FNIP1: variants seen among roughly 807,000 people sequenced by gnomAD.
FNIP1 encodes the protein folliculin interacting protein 1, also known as folliculin-interacting protein 1.
FNIP1 carries 40 observed loss-of-function variants against 124.5 expected under a neutral mutation model. The observed-to-expected ratio is 0.32, with a 90% confidence interval of 0.25 to 0.42. The LOEUF is 0.42. FNIP1 is among the 10% of genes least tolerant of loss of function. The probability of loss-of-function intolerance (pLI) is 1.00; values close to 1 mark genes in which losing one functional copy is unlikely to be tolerated. For synonymous variants in FNIP1, 472 were observed against 470.6 expected (o/e 1.00, Z -0.04); for missense variants, 1,176 against 1,403.7 (o/e 0.84, Z 2.59).
intron 15 of FNIP1, among the ~76,000 whole-genome samples, chr5:131,665,970 C>G (rs1767592951): frequency 6.8e-6 from 1 of 147,552 alleles, no homozygotes; most frequent in African/African-American, 2.5e-5. Flanking sequence ...GGCGTGATCT[C>G]ACCTCACTGC....
In FNIP1 at chr5:131,760,955, C is replaced by G. The variant is rs183426857; in HGVS notation, c.93-16265G>C. On this transcript the variant is annotated intron_variant, in intron 1 of 17. Coordinates refer to ENST00000510461, the MANE Select transcript of FNIP1 (RefSeq NM_133372.3). Reference sequence around the variant, plus strand: ...GAGAGAAGTATGCTAAATTACGCGGCAAGAGCCAAGCCAAAAACATTCCCA... The same window carrying G: ...GAGAGAAGTATGCTAAATTACGCGGGAAGAGCCAAGCCAAAAACATTCCCA... Among the ~76,000 whole-genome samples the G allele has an allele frequency of 3.4e-3, 511 of 152,110 alleles. 4 individuals carry two copies. The highest frequency in any genetic ancestry group is 0.012 in the African/African-American group (484 of 41,514).
At chr5:131,761,717 T>G (rs1041242333) in intron 1 of FNIP1, among the ~76,000 whole-genome samples, 1 of 151,966 alleles carries the variant, frequency 6.6e-6, no homozygotes, top group Non-Finnish European at 1.5e-5. Context: ...TGCAATCCCT[T>G]TCAAAATACC....
intron 1 of FNIP1, among the ~76,000 whole-genome samples, chr5:131,777,198 A>G (rs1771839316): frequency 1.3e-5 from 2 of 152,206 alleles, no homozygotes; most frequent in South Asian, 4.1e-4. Context: ...AGAATTTTCA[A>G]CATAAAAGAA....
Position 131,642,721 on chromosome 5 carries a change from AT to A in FNIP1, c.*1963del, listed in dbSNP as rs953721958. Reference sequence around the variant, plus strand: ...ATCTCATCTCTACTAAAAATAAAAAATTAGCTGGGTGTGGTGGCGCACACTT... The same window carrying A: ...ATCTCATCTCTACTAAAAATAAAAAATAGCTGGGTGTGGTGGCGCACACTT... On this transcript the variant is annotated 3_prime_UTR_variant, in exon 18 of 18. Transcript: ENST00000510461. 6.6e-6 allele frequency: 1 copy of A among 152,088 alleles called. No individual in the cohort carries two copies. 9.4% of individuals were successfully genotyped at this position (152,088 alleles called of 1,614,324 possible).
chr5:131,771,062 A>G (rs1417100893), intron 1 of FNIP1, among the ~76,000 whole-genome samples: 1 of 152,092 alleles, frequency 6.6e-6, no homozygotes, highest in African/African-American at 2.4e-5. Context: ...AGCATTAGGT[A>G]TATCTCCCAA....
At chr5:131,681,762 TAA>T (rs34881164) in intron 11 of FNIP1, among the ~76,000 whole-genome samples, 2 of 109,398 alleles carry the variant, frequency 1.8e-5, no homozygotes, top group African/African-American at 3.8e-5. Flanking sequence ...TGCCAATTTC[TAA>T]AAAAAAAAAA....
chr5:131,708,327 G>A (rs1421656527), intron 8 of FNIP1, among the ~76,000 whole-genome samples: 1 of 152,108 alleles, frequency 6.6e-6, no homozygotes, highest in Admixed American at 6.5e-5. Context: ...CGATAGCAGA[G>A]CCATATAATG....
At chr5:131,734,484 T>C (rs7732948) in intron 2 of FNIP1, among the ~76,000 whole-genome samples, 13,214 of 152,104 alleles carry the variant, frequency 0.087, 1,261 homozygotes, top group African/African-American at 0.24. Flanking sequence ...CTAAAGAGAT[T>C]TGGCACAGCA....
At chr5:131,678,994 A>G (rs749790708) in intron 12 of FNIP1, 35 bp downstream of exon 12, 2 of 1,435,282 alleles carry the variant, frequency 1.4e-6, no homozygotes, top group South Asian at 2.5e-5. Context: ...TTTGATTACA[A>G]TCTAGATATC....
At chr5:131,647,408 T>C (rs1264427587) in intron 16 of FNIP1, among the ~76,000 whole-genome samples, 2 of 105,744 alleles carry the variant, frequency 1.9e-5, no homozygotes, top group Non-Finnish European at 3.9e-5. Flanking sequence ...GATTAGCTTC[T>C]ACAGCGTCTT....
intron 1 of FNIP1, among the ~76,000 whole-genome samples, chr5:131,775,775 G>T (rs113950771): frequency 6.6e-6 from 1 of 151,986 alleles, no homozygotes; most frequent in Admixed American, 6.6e-5. Flanking sequence ...TGATCCGCCC[G>T]CCTCAGCCTC....
At position 131,751,169 on chromosome 5, in the gene FNIP1, C is replaced by T. The variant is rs377203849; in HGVS notation, c.93-6479G>A. On this transcript the variant is annotated intron_variant, in intron 1 of 17. Transcript: ENST00000510461. Reference sequence around the variant, plus strand: ...TATCATACTGAGCTTCTCAAAGGTGCCAAGATATATCAATTCCATGCCTTT... The same window carrying T: ...TATCATACTGAGCTTCTCAAAGGTGTCAAGATATATCAATTCCATGCCTTT... Among the ~76,000 whole-genome samples, 16 of 152,206 alleles carry T rather than the reference C, an allele frequency of 1.1e-4. No individual in the cohort carries two copies. The East Asian group carries it at 1.5e-3, about 15-fold the overall frequency.
intron 11 of FNIP1, among the ~76,000 whole-genome samples, chr5:131,695,104 CAAATAAATAAATAAATAAATAAATAAAT>C (rs72306515): frequency 1.5e-5 from 2 of 137,780 alleles, no homozygotes. Context: ...GACACTGTCT[CAAATAAATAAATAAATAAATAAATAAAT>C]AAATAAATAA....
intron 11 of FNIP1, among the ~76,000 whole-genome samples, chr5:131,689,053 G>A (rs1244268574): frequency 6.7e-6 from 1 of 149,746 alleles, no homozygotes; most frequent in East Asian, 2.0e-4. Context: ...TGAAACTGCA[G>A]AAAACCAAAG....
chr5:131,713,855 A>T (rs1376606779), intron 6 of FNIP1, among the ~76,000 whole-genome samples: 1 of 152,254 alleles, frequency 6.6e-6, no homozygotes. Context: ...AGGTAACATT[A>T]TCTGTCATTT....
At chr5:131,751,509 C>G (rs1209654276) in intron 1 of FNIP1, among the ~76,000 whole-genome samples, 2 of 151,280 alleles carry the variant, frequency 1.3e-5, no homozygotes, top group African/African-American at 2.4e-5. Flanking sequence ...AACTACATAT[C>G]CCTAAGTAAA....
intron 1 of FNIP1, among the ~76,000 whole-genome samples, chr5:131,784,755 G>A (rs1456012117): frequency 2.6e-5 from 4 of 151,442 alleles, no homozygotes; most frequent in East Asian, 1.9e-4. Flanking sequence ...CCAGATGATC[G>A]AGGCTGCACT....
At chr5:131,751,629 A>T (rs1475788352) in intron 1 of FNIP1, among the ~76,000 whole-genome samples, 2 of 152,202 alleles carry the variant, frequency 1.3e-5, no homozygotes, top group East Asian at 3.8e-4. Context: ...GTTAAAAGGC[A>T]TGTCCATGAA....
chr5:131,714,578 C>G (rs761327810), intron 6 of FNIP1, among the ~76,000 whole-genome samples: 1 of 152,176 alleles, frequency 6.6e-6, no homozygotes, highest in Non-Finnish European at 1.5e-5. Flanking sequence ...TTTACCCCTA[C>G]TCTGTGCTCC....
Sources: allele counts gnomAD v4.1 joint callset (sites outside exome capture counted in the v4.1 genomes callset), GRCh38; gene constraint gnomAD v4.1.1; transcripts MANE v1.5; gene names NCBI Gene and HGNC (gene_info 2026-07-23, HGNC 2026-07-21).